The following STK32B variants were observed in gnomAD, a reference collection of about 807,000 sequenced individuals.
STK32B encodes serine/threonine-protein kinase 32B.
Under a neutral mutation model 52.6 loss-of-function variants are expected in STK32B, and 43 were observed. That is an observed-to-expected ratio of 0.82 (90% CI 0.64 to 1.05). STK32B has a LOEUF of 1.05. Ranked by LOEUF, STK32B falls within the 50% of genes least tolerant of loss-of-function variation. The pLI is 0.00. For missense variants in STK32B, 621 were observed against 534.6 expected, an observed-to-expected ratio of 1.16 and a Z score of -1.59; for synonymous variants, 238 against 204.3, an observed-to-expected ratio of 1.17 and a Z score of -1.41.
chr4:5,129,914 A>G (rs898132604), intron 1 of STK32B, among the ~76,000 whole-genome samples: 2 of 152,114 alleles, frequency 1.3e-5, no homozygotes, highest in Non-Finnish European at 2.9e-5. Context: ...TTGAGTGCCT[A>G]TTATATGCCA....
At chr4:5,465,894 A>G (rs1717391501) in intron 9 of STK32B, among the ~76,000 whole-genome samples, 2 of 152,090 alleles carry the variant, frequency 1.3e-5, no homozygotes, top group South Asian at 2.1e-4. Context: ...AGTACTTTAT[A>G]GATATTATAT....
At chr4:5,413,853 A>G (rs1711922156) in intron 5 of STK32B, among the ~76,000 whole-genome samples, 1 of 152,218 alleles carries the variant, frequency 6.6e-6, no homozygotes, top group Non-Finnish European at 1.5e-5. Flanking sequence ...GATAACAACT[A>G]GTGCTGGCAA....
At chr4:5,111,497 G>C (rs562432099) in intron 1 of STK32B, among the ~76,000 whole-genome samples, 5 of 152,254 alleles carry the variant, frequency 3.3e-5, no homozygotes, top group African/African-American at 9.6e-5. Context: ...GTTATCCTAA[G>C]TGAACTAACA....
intron 3 of STK32B, among the ~76,000 whole-genome samples, chr4:5,269,783 CTA>C (rs886282079): frequency 5.9e-5 from 9 of 152,000 alleles, no homozygotes; most frequent in African/African-American, 2.2e-4. Context: ...CCAGTTGATT[CTA>C]TGAGTCTAAC....
At chr4:5,440,000 AC>A (rs1714556478) in intron 6 of STK32B, among the ~76,000 whole-genome samples, 1 of 152,164 alleles carries the variant, frequency 6.6e-6, no homozygotes, top group African/African-American at 2.4e-5. Context: ...TGTTTTGGTT[AC>A]TGTAGTCTTG....
intron 4 of STK32B, among the ~76,000 whole-genome samples, chr4:5,390,056 G>A (rs195134): frequency 0.76 from 115,208 of 152,138 alleles, 46,079 homozygotes; most frequent in Non-Finnish European, 0.89. Flanking sequence ...GGACACAGCC[G>A]GTTTACTCTT....
At chr4:5,345,927 C>T (rs999899803) in intron 4 of STK32B, among the ~76,000 whole-genome samples, 1 of 152,200 alleles carries the variant, frequency 6.6e-6, no homozygotes, top group Non-Finnish European at 1.5e-5. Flanking sequence ...AAGTTCTTGG[C>T]ATTCCCTGTC....
intron 4 of STK32B, among the ~76,000 whole-genome samples, chr4:5,366,704 G>T (rs1352013521): frequency 6.6e-6 from 1 of 152,226 alleles, no homozygotes; most frequent in Non-Finnish European, 1.5e-5. Flanking sequence ...TTTCACAAAA[G>T]CAGACATGGG....
the STK32B span, among the ~76,000 whole-genome samples, chr4:5,031,521 T>C: frequency 6.6e-6 from 1 of 151,464 alleles, no homozygotes; most frequent in South Asian, 2.1e-4. Context: ...ATCACCTGAC[T>C]CCAAGAGGTC....
At chr4:5,341,918 C>T (rs1198986875) in intron 4 of STK32B, among the ~76,000 whole-genome samples, 4 of 152,086 alleles carry the variant, frequency 2.6e-5, no homozygotes, top group Non-Finnish European at 4.4e-5. Context: ...TATATGTATA[C>T]ATGTGCCATG....
chr4:5,457,149 G>A (rs886394138), intron 8 of STK32B, among the ~76,000 whole-genome samples: 8 of 152,008 alleles, frequency 5.3e-5, no homozygotes, highest in African/African-American at 1.9e-4. Flanking sequence ...AAGCCCCTAG[G>A]CTCTTGTCAC....
chr4:5,182,836 T>C (rs912837082), intron 3 of STK32B, among the ~76,000 whole-genome samples: 5 of 150,950 alleles, frequency 3.3e-5, no homozygotes, highest in African/African-American at 9.7e-5. Flanking sequence ...ATAGATGTTA[T>C]GTTAGCAGGC....
intron 3 of STK32B, among the ~76,000 whole-genome samples, chr4:5,177,184 G>T (rs1401280753): frequency 6.6e-6 from 1 of 152,204 alleles, no homozygotes; most frequent in Non-Finnish European, 1.5e-5. Context: ...TTGACTCACA[G>T]TTCTGCGTGG....
intron 3 of STK32B, among the ~76,000 whole-genome samples, chr4:5,269,854 C>T (rs1727307652): frequency 6.6e-6 from 1 of 151,926 alleles, no homozygotes; most frequent in South Asian, 2.1e-4. Context: ...TACTCAGGAA[C>T]AGATACAAAA....
At chr4:5,482,705 A>G (rs1177766337) in intron 11 of STK32B, among the ~76,000 whole-genome samples, 2 of 152,178 alleles carry the variant, frequency 1.3e-5, no homozygotes, top group African/African-American at 4.8e-5. Flanking sequence ...CCTATTCAGT[A>G]TGATATTGGC....
At chr4:5,472,559 G>T (rs1717925816) in intron 11 of STK32B, among the ~76,000 whole-genome samples, 1 of 152,178 alleles carries the variant, frequency 6.6e-6, no homozygotes, top group Admixed American at 6.5e-5. Flanking sequence ...CTTGGCCAAA[G>T]ATCTGAGCAG....
intron 3 of STK32B, among the ~76,000 whole-genome samples, chr4:5,282,455 AACTAAC>A (rs1459039034): frequency 6.6e-6 from 1 of 152,224 alleles, no homozygotes; most frequent in African/African-American, 2.4e-5. Flanking sequence ...TAACAGTAAT[AACTAAC>A]ACTAAGAACA....
intron 2 of STK32B, among the ~76,000 whole-genome samples, chr4:5,141,533 G>C (rs1179786589): frequency 6.6e-6 from 1 of 152,114 alleles, no homozygotes; most frequent in African/African-American, 2.4e-5. Context: ...GGGGGTTTCT[G>C]GGGGAGGAGT....
intron 11 of STK32B, among the ~76,000 whole-genome samples, chr4:5,482,588 T>C (rs948043550): frequency 4.6e-5 from 7 of 152,202 alleles, no homozygotes; most frequent in African/African-American, 7.2e-5. Context: ...TTCTTTATCC[T>C]GCCTGATTGC....
Sources: gnomAD v4.1 joint callset for allele counts (sites outside exome capture counted in the v4.1 genomes callset) on GRCh38, gnomAD v4.1.1 for gene constraint, MANE v1.5 for transcripts, NCBI Gene and HGNC (gene_info 2026-07-23, HGNC 2026-07-21) for gene names.